ALDH2: variants seen among roughly 807,000 people sequenced by gnomAD.
The protein encoded by ALDH2 is aldehyde dehydrogenase, mitochondrial.
In ALDH2, 44 loss-of-function variants were observed where a neutral mutation model predicts 59.6. The ratio of observed to expected loss-of-function variants is 0.74; its 90% CI spans 0.58 to 0.95. ALDH2 has a LOEUF of 0.95. ALDH2 is among the 40% of genes least tolerant of loss of function. ALDH2 has a pLI of 0.00. For synonymous variants in ALDH2, 291 were observed against 284.0 expected (o/e 1.02, Z -0.25); for missense variants, 570 against 696.3 (o/e 0.82, Z 2.04).
In ALDH2 at chr12:111,803,980, G is replaced by A; in HGVS notation, c.1521+7G>A. 6.3e-7 allele frequency: 1 copy of A among 1,599,292 alleles called. No individual in the cohort carries two copies. The stretch of plus-strand genomic sequence containing the variant: ...ATACACTGAAGTGAAAACTGTGAGT[G>A]TGGGACCTGCTGGGGGCTCAGGGCC... On this transcript the variant is annotated splice_region_variant and intron_variant, in intron 12 of 12. Transcript: ENST00000261733.
At chr12:111,769,053 T>C (rs762480480) in intron 1 of ALDH2, among the ~76,000 whole-genome samples, 13 of 152,192 alleles carry the variant, frequency 8.5e-5, no homozygotes, top group Non-Finnish European at 1.9e-4. Flanking sequence ...AAAATCTTTA[T>C]CCTTTATCAC....
intron 9 of ALDH2, among the ~76,000 whole-genome samples, chr12:111,796,327 A>T (rs1294212200): frequency 6.6e-6 from 1 of 151,892 alleles, no homozygotes; most frequent in African/African-American, 2.4e-5. Flanking sequence ...ACCTCAAAAA[A>T]TAAATAATTT....
intron 8 of ALDH2, 58 bp downstream of exon 8, chr12:111,792,221 T>C: frequency 1.5e-6 from 2 of 1,343,464 alleles, no homozygotes; most frequent in Non-Finnish European, 1.0e-6. Flanking sequence ...ACCTGTGTTG[T>C]GGCTCCAGCC....
At chr12:111,778,759 G>T (rs1484982009) in intron 1 of ALDH2, among the ~76,000 whole-genome samples, 4 of 151,424 alleles carry the variant, frequency 2.6e-5, no homozygotes, top group African/African-American at 9.7e-5. Flanking sequence ...GTGTGAACCT[G>T]GGAGGTTGGA....
intron 6 of ALDH2, 66 bp downstream of exon 6, chr12:111,790,628 G>A: frequency 6.2e-7 from 1 of 1,604,958 alleles, no homozygotes. Context: ...AAGGAGTTCT[G>A]AGAAGGGTCT....
chr12:111,770,852 G>A (rs1467059981), intron 1 of ALDH2, among the ~76,000 whole-genome samples: 4 of 152,066 alleles, frequency 2.6e-5, no homozygotes, highest in Non-Finnish European at 4.4e-5. Context: ...TCGCCATGTT[G>A]GCCAGGCTGG....
rs1180162630 is a variant in ALDH2, at chr12:111,805,187, G to A, written c.1521+1214G>A. Among the ~76,000 whole-genome samples, 4 of 152,072 alleles carry A rather than the reference G, an allele frequency of 2.6e-5. No homozygotes were observed. In the East Asian group the frequency reaches 7.7e-4, roughly 29 times the overall value. ...CCAATTTTTGGAATTTATGTACATA[G>A]ATAGATACTCAGATACATTTACTTA... On this transcript the variant is annotated intron_variant, in intron 12 of 12. Transcript: ENST00000261733.
rs1412359357 is a variant in ALDH2, at chr12:111,809,932, C to T, written c.*357C>T. 1.2e-5 allele frequency: 4 copies of T among 334,270 alleles called. No individual in the cohort carries two copies. The highest frequency in any genetic ancestry group is 2.2e-5 in the Non-Finnish European group (4 of 179,990). The allele number at this position is 334,270 out of a possible 1,614,324, so 20.7% of individuals were successfully genotyped here. On this transcript the variant is annotated 3_prime_UTR_variant, in exon 13 of 13. Coordinates refer to ENST00000261733, the MANE Select transcript of ALDH2 (RefSeq NM_000690.4). ...ATCACCATTAAGGCAACTGCTACAC[C>T]CTGCTTTGTATTCTGGGCTAAGATT...
In ALDH2 at chr12:111,813,179, A is replaced by G. The variant is rs1247525168; in HGVS notation, c.*3604A>G. 3 of 152,194 alleles carry G rather than the reference A, an allele frequency of 2.0e-5. No homozygotes were observed. Among genetic ancestry groups the G allele is most frequent in the African/African-American group, 7.2e-5 (3 of 41,444 alleles). 9.4% of individuals were successfully genotyped at this position (152,194 alleles called of 1,614,324 possible). On this transcript the variant is annotated 3_prime_UTR_variant, in exon 13 of 13. Transcript: ENST00000261733. ...GATGAACCACCTAATCTCCCTGGGTATTCGGATGTGGGTCAGTCACAGGAG... is the reference window on the plus strand; with the variant it reads ...GATGAACCACCTAATCTCCCTGGGTGTTCGGATGTGGGTCAGTCACAGGAG...
rs1213920796 is a variant in ALDH2 at position 111,766,999 on chromosome 12, C to T, written c.17C>T (p.Ala6Val). Reference sequence around the variant, plus strand: ...CCCGCTGCGATGTTGCGCGCTGCCGCCCGCTTCGGGCCCCGCCTGGGCCGC... The same window carrying T: ...CCCGCTGCGATGTTGCGCGCTGCCGTCCGCTTCGGGCCCCGCCTGGGCCGC... MLRAA[A>V]RFGPRLGRRL... The change falls in exon 1 of 13, where the codon GCC (alanine) becomes GTC (valine). Residue 6 changes from alanine to valine, a missense_variant. Transcript: ENST00000261733. 4 of 1,522,528 alleles carry T rather than the reference C, an allele frequency of 2.6e-6. No individual in the cohort carries two copies. Among genetic ancestry groups the T allele is most frequent in the Non-Finnish European group, 2.6e-6 (3 of 1,141,502 alleles). The allele number at this position is 1,522,528 out of a possible 1,614,324, so 94.3% of individuals were successfully genotyped here.
At position 111,812,801 on chromosome 12, in the gene ALDH2, C is replaced by G. The variant is rs1401665693; in HGVS notation, c.*3226C>G. On this transcript the variant is annotated 3_prime_UTR_variant, in exon 13 of 13. Coordinates refer to ENST00000261733, the MANE Select transcript of ALDH2 (RefSeq NM_000690.4). Reference sequence around the variant, plus strand: ...GCTGATGTGGGAGGATCACTTGAGCCCAGGAGGTCAAGGCTGCAGTGAGCT... The same window carrying G: ...GCTGATGTGGGAGGATCACTTGAGCGCAGGAGGTCAAGGCTGCAGTGAGCT... 1.3e-5 allele frequency: 2 copies of G among 152,082 alleles called. No individual in the cohort carries two copies. The highest frequency in any genetic ancestry group is 4.8e-5 in the African/African-American group (2 of 41,360). The allele number at this position is 152,082 out of a possible 1,614,324, so 9.4% of individuals were successfully genotyped here.
At position 111,785,345 on chromosome 12, in the gene ALDH2, C is replaced by A; in HGVS notation, c.439C>A (p.Arg147=). ...VDLDMVLKCL[R]YYAGWADKYH... ...TTTGGACATGGTCCTCAAATGTCTC[C>A]GGTATGGGCTCAGCTTTCCTGTTCT... Residue 147 remains arginine, a splice_region_variant and synonymous_variant, in exon 4 of 13, where the codon CGG becomes AGG. Transcript: ENST00000261733. 5 of 1,612,584 alleles carry A rather than the reference C, an allele frequency of 3.1e-6. No homozygotes were observed. Among genetic ancestry groups the A allele is most frequent in the Middle Eastern group, 1.7e-4 (1 of 6,060 alleles).
chr12:111,774,373 G>A (rs2068220914), intron 1 of ALDH2, among the ~76,000 whole-genome samples: 1 of 152,200 alleles, frequency 6.6e-6, no homozygotes, highest in South Asian at 2.1e-4. Flanking sequence ...TACAAGCAAT[G>A]GCATCTGCTT....
intron 1 of ALDH2, among the ~76,000 whole-genome samples, chr12:111,777,551 G>A (rs1413510892): frequency 6.6e-6 from 1 of 152,164 alleles, no homozygotes; most frequent in African/African-American, 2.4e-5. Context: ...TGCTACAGGG[G>A]GAAGGAGAGA....
At chr12:111,782,711 C>T (rs1214383170) in intron 2 of ALDH2, among the ~76,000 whole-genome samples, 4 of 152,002 alleles carry the variant, frequency 2.6e-5, no homozygotes, top group African/African-American at 7.3e-5. Context: ...GGTGAAACCC[C>T]GTCTCTACTA....
At chr12:111,786,263 G>T (rs550221993) in intron 4 of ALDH2, among the ~76,000 whole-genome samples, 155 of 152,218 alleles carry the variant, frequency 1.0e-3, no homozygotes, top group African/African-American at 3.5e-3. Context: ...TTGAGATGGA[G>T]TCTCGCTCTG....
At chr12:111,784,954 C>T (rs768784052) in intron 3 of ALDH2, among the ~76,000 whole-genome samples, 7 of 152,216 alleles carry the variant, frequency 4.6e-5, no homozygotes, top group Non-Finnish European at 1.0e-4. Flanking sequence ...TCTCTTTGCT[C>T]TGTAAGCTCC....
intron 12 of ALDH2, among the ~76,000 whole-genome samples, chr12:111,806,082 G>A (rs1439098997): frequency 2.6e-5 from 4 of 151,324 alleles, no homozygotes; most frequent in Non-Finnish European, 5.9e-5. Context: ...TGGAGGTTGA[G>A]GTGGGCAGAC....
chr12:111,785,180 C>G, intron 3 of ALDH2, 87 bp from the exon 4 acceptor site: 2 of 1,061,360 alleles, frequency 1.9e-6, no homozygotes, highest in Non-Finnish European at 3.0e-6. Context: ...CAGCCCTTCT[C>G]AGTCCCAGCC....
Sources: gnomAD v4.1 joint callset for allele counts (sites outside exome capture counted in the v4.1 genomes callset) on GRCh38, gnomAD v4.1.1 for gene constraint, MANE v1.5 for transcripts, NCBI Gene and HGNC (gene_info 2026-07-23, HGNC 2026-07-21) for gene names.